SLC7A14: variants seen among roughly 807,000 people sequenced by gnomAD.
The protein encoded by SLC7A14 is gamma-aminobutyric acid transporter SLC7A14.
A neutral mutation model predicts 60.2 loss-of-function variants in SLC7A14; 37 were observed. That is an observed-to-expected ratio of 0.61 (90% CI 0.47 to 0.81). The LOEUF is 0.81. Ranked by LOEUF, SLC7A14 falls within the 30% of genes least tolerant of loss-of-function variation. The pLI, the probability that SLC7A14 is intolerant of heterozygous loss-of-function variation, is 0.00. For missense variants in SLC7A14, 886 were observed against 982.7 expected, an observed-to-expected ratio of 0.90 and a Z score of 1.32; for synonymous variants, 399 against 395.8, an observed-to-expected ratio of 1.01 and a Z score of -0.10.
chr3:170,476,101 T>C (rs931336318), intron 7 of SLC7A14, among the ~76,000 whole-genome samples: 4 of 152,196 alleles, frequency 2.6e-5, no homozygotes, highest in Admixed American at 6.5e-5. Flanking sequence ...TAGATCATTG[T>C]CAACTTGGCT....
intron 2 of SLC7A14, 83 bp from the exon 3 acceptor site, chr3:170,501,428 C>T: frequency 8.9e-7 from 1 of 1,121,446 alleles, no homozygotes; most frequent in Non-Finnish European, 1.3e-6. Flanking sequence ...GTGGAACATA[C>T]TGAGACTTTC....
intron 1 of SLC7A14, among the ~76,000 whole-genome samples, chr3:170,542,238 A>G (rs1714039366): frequency 6.6e-6 from 1 of 152,224 alleles, no homozygotes; most frequent in African/African-American, 2.4e-5. Flanking sequence ...CCCCTGAAGC[A>G]AAGACCTCAG....
intron 1 of SLC7A14, among the ~76,000 whole-genome samples, chr3:170,570,823 T>C (rs1018074431): frequency 4.6e-4 from 70 of 152,298 alleles, no homozygotes; most frequent in African/African-American, 1.6e-3. Flanking sequence ...CTTTTTCCCA[T>C]ACTTTTTTTC....
intron 2 of SLC7A14, among the ~76,000 whole-genome samples, chr3:170,519,052 T>A (rs190040323): frequency 6.8e-4 from 103 of 152,090 alleles, no homozygotes; most frequent in African/African-American, 2.4e-3. Flanking sequence ...TTGATAATGA[T>A]GATAAAGAAA....
In SLC7A14 at chr3:170,486,452, C is replaced by T. The variant is rs1175136330; in HGVS notation, c.760-84G>A. On this transcript the variant is annotated intron_variant, in intron 4 of 7. Coordinates refer to ENST00000231706, the MANE Select transcript of SLC7A14 (RefSeq NM_020949.3). ...ATGTGGAAAGTGCAATTGCTCTATG[C>T]CCTGCAGACATGACTGAGTGGCTGA... 7.0e-6 allele frequency: 11 copies of T among 1,562,500 alleles called. No homozygotes were observed. In the African/African-American group the frequency reaches 1.5e-4, roughly 21 times the overall value.
chr3:170,581,086 G>C (rs1480381373), intron 1 of SLC7A14, among the ~76,000 whole-genome samples: 1 of 152,136 alleles, frequency 6.6e-6, no homozygotes, highest in Non-Finnish European at 1.5e-5. Context: ...TTTCAACTTA[G>C]AGAATGAATA....
At chr3:170,509,130 A>G (rs568759342) in intron 2 of SLC7A14, among the ~76,000 whole-genome samples, 18 of 152,196 alleles carry the variant, frequency 1.2e-4, no homozygotes, top group African/African-American at 1.4e-4. Flanking sequence ...TACTTGAGCA[A>G]CCTCGGTCAC....
intron 5 of SLC7A14, among the ~76,000 whole-genome samples, chr3:170,485,207 C>T (rs1711984286): frequency 6.6e-6 from 1 of 152,154 alleles, no homozygotes; most frequent in South Asian, 2.1e-4. Flanking sequence ...ACCCATAAAA[C>T]CTCTGGGTAG....
rs753597000 is a variant in SLC7A14, at chr3:170,459,885, C to T, written c.*7170G>A. On this transcript the variant is annotated 3_prime_UTR_variant, in exon 8 of 8. Coordinates refer to ENST00000231706, the MANE Select transcript of SLC7A14 (RefSeq NM_020949.3). ...TTTGTTTCTGACTTTCTTTATAAACCCATTTTTAAATTTAAAGGCACACAA... is the reference window on the plus strand; with the variant it reads ...TTTGTTTCTGACTTTCTTTATAAACTCATTTTTAAATTTAAAGGCACACAA... 7 of 151,792 alleles carry T rather than the reference C, an allele frequency of 4.6e-5. No homozygotes were observed. The highest frequency in any genetic ancestry group is 7.4e-5 in the Non-Finnish European group (5 of 67,946). The allele number at this position is 151,792 out of a possible 1,614,324, so 9.4% of individuals were successfully genotyped here.
rs1314158078 is a variant in SLC7A14, at chr3:170,466,879, C to T, written c.*176G>A. On this transcript the variant is annotated 3_prime_UTR_variant, in exon 8 of 8. Transcript: ENST00000231706. ...CCAGTTAGGGGACCCAGGTTAAGCC[C>T]TTCAACAGAACTATCCTGAAGAGCA... The T allele has an allele frequency of 3.4e-6, 2 of 591,952 alleles. No homozygotes were observed. The highest frequency in any genetic ancestry group is 5.9e-6 in the Non-Finnish European group (2 of 339,802). 36.7% of individuals were successfully genotyped at this position (591,952 alleles called of 1,614,324 possible).
chr3:170,493,284 T>G (rs545693843), intron 4 of SLC7A14, among the ~76,000 whole-genome samples: 1 of 152,304 alleles, frequency 6.6e-6, no homozygotes, highest in South Asian at 2.1e-4. Context: ...CCAGAACCTG[T>G]AAGTGAGTAA....
At chr3:170,556,627 G>T (rs941562941) in intron 1 of SLC7A14, among the ~76,000 whole-genome samples, 2 of 152,078 alleles carry the variant, frequency 1.3e-5, no homozygotes, top group Admixed American at 1.3e-4. Flanking sequence ...GGATGTGCAG[G>T]GTTTTTCTTT....
At chr3:170,542,432 T>G (rs1424782809) in intron 1 of SLC7A14, among the ~76,000 whole-genome samples, 1 of 152,216 alleles carries the variant, frequency 6.6e-6, no homozygotes, top group Non-Finnish European at 1.5e-5. Context: ...AGCTACTCTC[T>G]CCTGGACTGT....
At chr3:170,548,596 A>G (rs1380590430) in intron 1 of SLC7A14, among the ~76,000 whole-genome samples, 1 of 152,210 alleles carries the variant, frequency 6.6e-6, no homozygotes, top group Non-Finnish European at 1.5e-5. Context: ...TTGAGAATCA[A>G]CTGGGAAACT....
chr3:170,516,639 C>G (rs1713168537), intron 2 of SLC7A14, among the ~76,000 whole-genome samples: 1 of 151,866 alleles, frequency 6.6e-6, no homozygotes, highest in Non-Finnish European at 1.5e-5. Context: ...TGGTGATGCA[C>G]ACCTATAGCC....
intron 1 of SLC7A14, among the ~76,000 whole-genome samples, chr3:170,561,715 G>T (rs981066276): frequency 6.6e-6 from 1 of 152,122 alleles, no homozygotes; most frequent in Admixed American, 6.5e-5. Context: ...CACACAGAGT[G>T]GGAGAAAATC....
intron 1 of SLC7A14, among the ~76,000 whole-genome samples, chr3:170,544,231 T>C (rs1392954371): frequency 2.0e-5 from 3 of 151,836 alleles, no homozygotes; most frequent in Admixed American, 1.3e-4. Context: ...AATCTCCAAA[T>C]AAAAAGGGGT....
intron 2 of SLC7A14, 64 bp from the exon 3 acceptor site, chr3:170,501,409 C>G: frequency 1.5e-6 from 2 of 1,373,546 alleles, no homozygotes; most frequent in African/African-American, 1.4e-5. Context: ...CTGTGGCCAA[C>G]AATCTTGGGT....
At chr3:170,572,069 A>C (rs1714971393) in intron 1 of SLC7A14, among the ~76,000 whole-genome samples, 1 of 150,170 alleles carries the variant, frequency 6.7e-6, no homozygotes, top group South Asian at 2.1e-4. Context: ...TCAAAAAAAA[A>C]AAAAAAAAAA....
Sources: gnomAD v4.1 joint callset for allele counts (sites outside exome capture counted in the v4.1 genomes callset) on GRCh38, gnomAD v4.1.1 for gene constraint, MANE v1.5 for transcripts, NCBI Gene and HGNC (gene_info 2026-07-23, HGNC 2026-07-21) for gene names.